Variants in DSCAM observed in about 807,000 individuals in gnomAD.
DSCAM encodes cell adhesion molecule DSCAM.
DSCAM carries 47 observed loss-of-function variants against 217.7 expected under a neutral mutation model. The observed-to-expected ratio is 0.22, with a 90% confidence interval of 0.17 to 0.28. DSCAM has a LOEUF of 0.28. DSCAM is among the 10% of genes least tolerant of loss of function. The probability of loss-of-function intolerance (pLI) is 1.00; values close to 1 mark genes in which losing one functional copy is unlikely to be tolerated. For missense variants in DSCAM, 2,080 were observed against 2,618.3 expected (o/e 0.79, Z 4.49); for synonymous variants, 1,056 against 1,015.3 (o/e 1.04, Z -0.76).
At chr21:40,814,406 G>A (rs534761740) in intron 1 of DSCAM, among the ~76,000 whole-genome samples, 11 of 152,294 alleles carry the variant, frequency 7.2e-5, no homozygotes, top group Non-Finnish European at 1.2e-4. Flanking sequence ...ACACCTTAGC[G>A]TAGTAGAGAA....
At chr21:40,816,339 G>T (rs564048642) in intron 1 of DSCAM, among the ~76,000 whole-genome samples, 1 of 152,274 alleles carries the variant, frequency 6.6e-6, no homozygotes, top group African/African-American at 2.4e-5. Context: ...GGGTGACCTT[G>T]GGAGGCCAAA....
chr21:40,210,089 C>CCT (rs1420055758), intron 11 of DSCAM, among the ~76,000 whole-genome samples: 1 of 152,192 alleles, frequency 6.6e-6, no homozygotes, highest in Admixed American at 6.5e-5. Flanking sequence ...TGTTTCTCCA[C>CCT]CTCCCCCATT....
chr21:40,479,642 G>A lies in DSCAM; in HGVS notation c.509-110397C>T, dbSNP rs556460284. 2.2e-4 allele frequency among the ~76,000 whole-genome samples: 34 copies of A among 152,130 alleles called. No homozygotes were observed. The South Asian group carries it at 6.7e-3, about 30-fold the overall frequency. ...TCTCATTACACTTATTCACTATCACGAGAACAGCATGGGTAAACCTGCCCC... is the reference window on the plus strand; with the variant it reads ...TCTCATTACACTTATTCACTATCACAAGAACAGCATGGGTAAACCTGCCCC... On this transcript the variant is annotated intron_variant, in intron 3 of 32. Transcript: ENST00000400454.
intron 3 of DSCAM, among the ~76,000 whole-genome samples, chr21:40,432,077 C>A (rs1189974266): frequency 6.6e-6 from 1 of 151,964 alleles, no homozygotes; most frequent in Non-Finnish European, 1.5e-5. Flanking sequence ...GTGGTGGGTG[C>A]CTGTAATTTC....
rs549263981 is a variant in DSCAM, at chr21:40,778,750, C to A, written c.43+67869G>T. ...AAAATCATAAAGAATGTGGGCCGGG[C>A]ATGGTGGCTCATGCCTGTAATCCCA... is the stretch of plus-strand genomic sequence containing the variant. On this transcript the variant is annotated intron_variant, in intron 1 of 32. Transcript: ENST00000400454. Among the ~76,000 whole-genome samples the A allele has an allele frequency of 5.3e-5, 8 of 152,110 alleles. 1 individual carries two copies. The highest frequency in any genetic ancestry group is 4.6e-4 in the Admixed American group (7 of 15,272).
chr21:40,080,104 G>A lies in DSCAM; in HGVS notation c.4420+48C>T, dbSNP rs776923242. The A allele has an allele frequency of 2.2e-5, 28 of 1,286,024 alleles. 1 individual carries two copies. The highest frequency in any genetic ancestry group is 1.0e-4 in the Admixed American group (4 of 39,162). The allele number at this position is 1,286,024 out of a possible 1,614,324, so 79.7% of individuals were successfully genotyped here. ...TTTTATGATTCCAATCTCCTCTTCT[G>A]GCCGGGAAAAGAAAGGATATTAAGA... On this transcript the variant is annotated intron_variant, in intron 25 of 32. Coordinates refer to ENST00000400454, the MANE Select transcript of DSCAM (RefSeq NM_001389.5).
chr21:40,821,995 T>C (rs537543209), intron 1 of DSCAM, among the ~76,000 whole-genome samples: 2 of 150,148 alleles, frequency 1.3e-5, no homozygotes, highest in Non-Finnish European at 3.0e-5. Context: ...AATCTGCGCA[T>C]GTATCCCCGA....
chr21:40,643,460 TGA>T (rs1489211271), intron 3 of DSCAM, among the ~76,000 whole-genome samples: 1 of 152,210 alleles, frequency 6.6e-6, no homozygotes, highest in African/African-American at 2.4e-5. Context: ...AACTGTGCAC[TGA>T]GAAGCTCTCA....
intron 1 of DSCAM, among the ~76,000 whole-genome samples, chr21:40,780,761 C>T (rs4818176): frequency 0.67 from 101,459 of 151,708 alleles, 34,348 homozygotes; most frequent in South Asian, 0.8. Context: ...AGTCCAGCTT[C>T]GCTGACACCT....
intron 1 of DSCAM, among the ~76,000 whole-genome samples, chr21:40,821,140 A>ATATATAGATATATATATCTTCACATATG (rs1463557987): frequency 1.3e-5 from 2 of 149,732 alleles, no homozygotes; most frequent in South Asian, 4.2e-4. Flanking sequence ...ATCTTCACAT[A>ATATATAGATATATATATCTTCACATATG]TATATATATA....
intron 18 of DSCAM, among the ~76,000 whole-genome samples, chr21:40,141,975 T>TACACACACACACACACACACACAC (rs72076559): frequency 1.6e-3 from 229 of 143,188 alleles, no homozygotes; most frequent in African/African-American, 5.1e-3. Flanking sequence ...CCACTTGAAA[T>TACACACACACACACACACACACAC]ACACACACAC....
At chr21:40,446,315 A>G (rs778915392) in intron 3 of DSCAM, among the ~76,000 whole-genome samples, 11 of 152,122 alleles carry the variant, frequency 7.2e-5, no homozygotes, top group Non-Finnish European at 1.5e-4. Context: ...TTTGTCATCA[A>G]TCAAGGCAAC....
chr21:40,210,233 T>C (rs1299624898), intron 11 of DSCAM, among the ~76,000 whole-genome samples: 1 of 152,328 alleles, frequency 6.6e-6, no homozygotes, highest in South Asian at 2.1e-4. Context: ...ACTCACGTCC[T>C]ACCTCCTCTA....
intron 1 of DSCAM, among the ~76,000 whole-genome samples, chr21:40,733,532 T>C (rs1226884708): frequency 6.6e-6 from 1 of 152,034 alleles, no homozygotes; most frequent in Non-Finnish European, 1.5e-5. Context: ...TGTGGGACAG[T>C]CCCTCCCATT....
rs577161161 is a variant in DSCAM, at chr21:40,714,013, T to G, written c.44-5242A>C. Reference sequence around the variant, plus strand: ...CTTAACTTACTGCTCTGGAAGGTACTAATCATAAACTTTGGTGGCATCCAT... The same window carrying G: ...CTTAACTTACTGCTCTGGAAGGTACGAATCATAAACTTTGGTGGCATCCAT... On this transcript the variant is annotated intron_variant, in intron 1 of 32. Transcript: ENST00000400454. 5.0e-4 allele frequency among the ~76,000 whole-genome samples: 76 copies of G among 152,310 alleles called. 1 individual carries two copies. The highest frequency in any genetic ancestry group is 1.8e-3 in the African/African-American group (76 of 41,576).
chr21:40,106,415 T>C (rs2089821606), intron 20 of DSCAM, among the ~76,000 whole-genome samples: 1 of 152,202 alleles, frequency 6.6e-6, no homozygotes, highest in African/African-American at 2.4e-5. Flanking sequence ...TCATCAAGGA[T>C]ATTCTCCTGA....
At chr21:40,672,486 C>T (rs1197314199) in intron 3 of DSCAM, among the ~76,000 whole-genome samples, 1 of 151,814 alleles carries the variant, frequency 6.6e-6, no homozygotes, top group Non-Finnish European at 1.5e-5. Flanking sequence ...TAAGTCTGAC[C>T]TAGCATGAGT....
chr21:40,158,190 G>A (rs1406169151), intron 16 of DSCAM, among the ~76,000 whole-genome samples: 1 of 152,120 alleles, frequency 6.6e-6, no homozygotes, highest in African/African-American at 2.4e-5. Flanking sequence ...TTTGAGACCA[G>A]CCTGGGCAAC....
At chr21:40,815,147 C>G (rs1444884949) in intron 1 of DSCAM, among the ~76,000 whole-genome samples, 1 of 152,030 alleles carries the variant, frequency 6.6e-6, no homozygotes, top group Non-Finnish European at 1.5e-5. Context: ...CAGGTCATTG[C>G]CATTTTGTTA....
Sources: allele counts gnomAD v4.1 joint callset (sites outside exome capture counted in the v4.1 genomes callset), GRCh38; gene constraint gnomAD v4.1.1; transcripts MANE v1.5; gene names NCBI Gene and HGNC (gene_info 2026-07-23, HGNC 2026-07-21).